The following NALCN variants were observed in gnomAD, a reference collection of about 807,000 sequenced individuals.
NALCN encodes sodium leak channel NALCN.
In NALCN, 111 loss-of-function variants were observed where a neutral mutation model predicts 225.3. The ratio of observed to expected loss-of-function variants is 0.49; its 90% CI spans 0.42 to 0.58. The LOEUF (loss-of-function observed/expected upper bound fraction) is 0.58, where lower values mean the gene tolerates loss of function less well. NALCN is among the 20% of genes least tolerant of loss of function. The pLI is 0.00. For missense variants in NALCN, 1,378 were observed against 2,202.4 expected (o/e 0.63, Z 7.49); for synonymous variants, 764 against 769.0 (o/e 0.99, Z 0.11).
intron 15 of NALCN, among the ~76,000 whole-genome samples, chr13:101,167,014 CATGTGACTATAT>C (rs2038472464): frequency 6.6e-6 from 1 of 152,192 alleles, no homozygotes; most frequent in African/African-American, 2.4e-5. Flanking sequence ...TGTTGAAGAT[CATGTGACTATAT>C]ATGTGAGGGT....
chr13:101,237,857 T>G lies in NALCN; in HGVS notation c.1332A>C (p.Gly444=), dbSNP rs779276971. The G allele has an allele frequency of 6.2e-6, 10 of 1,605,792 alleles. No individual in the cohort carries two copies. The highest frequency in any genetic ancestry group is 1.1e-5 in the South Asian group (1 of 89,886). Residue 444 remains glycine, a synonymous_variant, in exon 12 of 44, where the codon GGA becomes GGC. Coordinates refer to ENST00000251127, the MANE Select transcript of NALCN (RefSeq NM_052867.4). ...ATTTGTGGAGAGATGAGCTAATATA[T>G]CCAGTAAATCCCAAACACCATATCT... ...LLKIWCLGFT[G]YISSSLHKFE... is the part of the protein sequence containing the mutation.
In NALCN at chr13:101,383,749, T is replaced by C. The variant is rs74120025; in HGVS notation, c.292-5096A>G. Among the ~76,000 whole-genome samples the C allele has an allele frequency of 8.8e-3, 1,345 of 152,320 alleles. 16 individuals carry two copies. Among genetic ancestry groups the C allele is most frequent in the African/African-American group, 0.025 (1,030 of 41,574 alleles). On this transcript the variant is annotated intron_variant, in intron 3 of 43. Transcript: ENST00000251127. ...CTGGCTCCTTTGTAACCATGAAAGA[T>C]CACAGACGAGATTATGAGATGACTT...
intron 6 of NALCN, among the ~76,000 whole-genome samples, chr13:101,360,608 G>A (rs1277706237): frequency 2.0e-5 from 3 of 152,148 alleles, no homozygotes; most frequent in African/African-American, 7.2e-5. Flanking sequence ...GAAAAGTAAA[G>A]TCAGTGAGGG....
chr13:101,392,851 C>A (rs1035530382), intron 3 of NALCN, among the ~76,000 whole-genome samples: 18 of 152,004 alleles, frequency 1.2e-4, no homozygotes, highest in Non-Finnish European at 2.6e-4. Flanking sequence ...TGTATAGAAA[C>A]CAACAGCCTT....
chr13:101,202,503 T>G (rs1177514644), intron 13 of NALCN, among the ~76,000 whole-genome samples: 2 of 152,072 alleles, frequency 1.3e-5, no homozygotes, highest in African/African-American at 4.8e-5. Flanking sequence ...TTATTTCAGA[T>G]CCCTCCAATT....
chr13:101,374,272 C>CTTTTTTTTTT (rs869167949), intron 6 of NALCN, among the ~76,000 whole-genome samples: 1 of 119,928 alleles, frequency 8.3e-6, no homozygotes, highest in Non-Finnish European at 1.8e-5. Flanking sequence ...AAATTTCTTT[C>CTTTTTTTTTT]TTTTTTTTTT....
intron 34 of NALCN, among the ~76,000 whole-genome samples, chr13:101,079,531 G>A (rs1231628704): frequency 6.6e-6 from 1 of 152,134 alleles, no homozygotes; most frequent in East Asian, 1.9e-4. Context: ...AGACCTCTCT[G>A]ATGAAGCCAT....
Position 101,295,546 on chromosome 13 carries a change from C to T in NALCN, c.800-3180G>A, listed in dbSNP as rs918927370. On this transcript the variant is annotated intron_variant, in intron 7 of 43. Transcript: ENST00000251127. ...ATTTGGAGTCAAGTAAAAAAGAGCACATTGAACTAGTAGCCTTGAAACTTC... is the reference window on the plus strand; with the variant it reads ...ATTTGGAGTCAAGTAAAAAAGAGCATATTGAACTAGTAGCCTTGAAACTTC... Among the ~76,000 whole-genome samples the T allele has an allele frequency of 3.3e-5, 5 of 152,082 alleles. No homozygotes were observed. The South Asian group carries it at 6.2e-4, about 19-fold the overall frequency.
At chr13:101,354,212 G>A (rs1233604666) in intron 6 of NALCN, among the ~76,000 whole-genome samples, 7 of 152,064 alleles carry the variant, frequency 4.6e-5, no homozygotes, top group East Asian at 3.9e-4. Flanking sequence ...GTTTGGTAGC[G>A]TATGCCTGTA....
intron 18 of NALCN, among the ~76,000 whole-genome samples, chr13:101,112,391 C>T (rs2035488844): frequency 6.6e-6 from 1 of 152,178 alleles, no homozygotes; most frequent in African/African-American, 2.4e-5. Context: ...GGTGGCCTAA[C>T]ACCTGTGGTG....
At chr13:101,305,257 A>G (rs532320190) in intron 7 of NALCN, among the ~76,000 whole-genome samples, 5 of 152,190 alleles carry the variant, frequency 3.3e-5, no homozygotes, top group Admixed American at 2.6e-4. Context: ...TACTTGGTTA[A>G]TCTTGTCACT....
chr13:101,278,976 CCTT>C (rs1235069341), intron 10 of NALCN, among the ~76,000 whole-genome samples: 1 of 152,144 alleles, frequency 6.6e-6, no homozygotes, highest in East Asian at 1.9e-4. Flanking sequence ...GGTACTGCCT[CCTT>C]CTTTCACTGG....
At chr13:101,259,490 C>T (rs1490681318) in intron 10 of NALCN, among the ~76,000 whole-genome samples, 1 of 151,526 alleles carries the variant, frequency 6.6e-6, no homozygotes, top group Non-Finnish European at 1.5e-5. Context: ...CCCGCCACCA[C>T]GTCTGGCTAA....
At chr13:101,350,542 T>G (rs972319178) in intron 6 of NALCN, among the ~76,000 whole-genome samples, 1 of 152,190 alleles carries the variant, frequency 6.6e-6, no homozygotes, top group Non-Finnish European at 1.5e-5. Flanking sequence ...TGGTCATCTG[T>G]TCATTGGATG....
chr13:101,373,097 C>G, intron 6 of NALCN: 1 of 384,058 alleles, frequency 2.6e-6, no homozygotes, highest in South Asian at 2.0e-5. Flanking sequence ...TAGGTAAGCT[C>G]TTTGAAAAGC....
chr13:101,372,895 T>C (rs2046580411), intron 6 of NALCN, among the ~76,000 whole-genome samples: 1 of 151,866 alleles, frequency 6.6e-6, no homozygotes, highest in African/African-American at 2.4e-5. Context: ...GCAAAGATTC[T>C]TGTGTGTGTG....
intron 13 of NALCN, among the ~76,000 whole-genome samples, chr13:101,204,150 CTT>C (rs2140050951): frequency 6.6e-6 from 1 of 152,230 alleles, no homozygotes; most frequent in Non-Finnish European, 1.5e-5. Flanking sequence ...TGTATGAACT[CTT>C]TTGGAATTAG....
At chr13:101,185,343 A>C (rs2039406066) in intron 14 of NALCN, among the ~76,000 whole-genome samples, 1 of 152,240 alleles carries the variant, frequency 6.6e-6, no homozygotes. Flanking sequence ...TGTTAATTTC[A>C]GCACTTCAAA....
chr13:101,206,797 TCA>T (rs1478344827), intron 13 of NALCN, among the ~76,000 whole-genome samples: 1 of 151,390 alleles, frequency 6.6e-6, no homozygotes, highest in African/African-American at 2.4e-5. Flanking sequence ...AAACATTCTA[TCA>T]GTTTGTTTCT....
Sources: allele counts gnomAD v4.1 joint callset (sites outside exome capture counted in the v4.1 genomes callset), GRCh38; gene constraint gnomAD v4.1.1; transcripts MANE v1.5; gene names NCBI Gene and HGNC (gene_info 2026-07-23, HGNC 2026-07-21).